The following EEPD1 variants were observed in gnomAD, a reference collection of about 807,000 sequenced individuals.
EEPD1 encodes endonuclease/exonuclease/phosphatase family domain containing 1.
EEPD1 carries 17 observed loss-of-function variants against 46.3 expected under a neutral mutation model. The observed-to-expected ratio is 0.37, with a 90% CI of 0.25 to 0.55. The LOEUF is 0.55. Ranked by LOEUF, EEPD1 falls within the 20% of genes least tolerant of loss-of-function variation. EEPD1 has a pLI of 0.83. For missense variants in EEPD1, 673 were observed against 745.6 expected, an observed-to-expected ratio of 0.90 and a Z score of 1.13; for synonymous variants, 313 against 315.6, an observed-to-expected ratio of 0.99 and a Z score of 0.09.
intron 3 of EEPD1, among the ~76,000 whole-genome samples, chr7:36,276,570 C>A (rs534006047): frequency 6.6e-6 from 1 of 152,154 alleles, no homozygotes; most frequent in African/African-American, 2.4e-5. Flanking sequence ...AGGCTTTTGA[C>A]GTACAGGGTC....
At chr7:36,293,868 G>A (rs1256172460) in intron 6 of EEPD1, among the ~76,000 whole-genome samples, 2 of 152,024 alleles carry the variant, frequency 1.3e-5, no homozygotes, top group African/African-American at 2.4e-5. Flanking sequence ...GGAGGCTGAG[G>A]CAGGAGAATC....
intron 2 of EEPD1, among the ~76,000 whole-genome samples, chr7:36,209,056 C>A: frequency 6.6e-6 from 1 of 152,220 alleles, no homozygotes; most frequent in Admixed American, 6.5e-5. Flanking sequence ...GCAACCATTT[C>A]TGTGCCTCAG....
At chr7:36,287,364 A>G (rs539120218) in intron 5 of EEPD1, among the ~76,000 whole-genome samples, 2 of 152,064 alleles carry the variant, frequency 1.3e-5, no homozygotes, top group South Asian at 2.1e-4. Flanking sequence ...ATTTACAGAT[A>G]TGCAGATATG....
intron 3 of EEPD1, among the ~76,000 whole-genome samples, chr7:36,252,747 A>G (rs1786770548): frequency 6.8e-6 from 1 of 146,366 alleles, no homozygotes. Context: ...TTTCCCCCTT[A>G]TGGTACGCCC....
rs1245085205 is a variant in EEPD1 at position 36,154,113 on chromosome 7, TTTA to T, written c.-192-17_-192-15del. 1.6e-6 allele frequency: 1 copy of T among 613,914 alleles called. No individual in the cohort carries two copies. Among genetic ancestry groups the T allele is most frequent in the Non-Finnish European group, 2.8e-6 (1 of 355,460 alleles). 38.0% of individuals were successfully genotyped at this position (613,914 alleles called of 1,614,324 possible). On this transcript the variant is annotated splice_polypyrimidine_tract_variant and intron_variant, in intron 1 of 7. Coordinates refer to ENST00000242108, the MANE Select transcript of EEPD1 (RefSeq NM_030636.3). This position sits in a 1 kb window ranked among gnomAD's most constrained non-coding sequence, Gnocchi z 4.2. ...TTTCTTAATTCAATGGGTTTCTATG[TTTA>T]TTGATTTATTTTCTAGGCGGCCAAG...
intron 5 of EEPD1, among the ~76,000 whole-genome samples, chr7:36,286,441 A>C (rs952169688): frequency 1.3e-5 from 2 of 152,340 alleles, no homozygotes; most frequent in East Asian, 1.9e-4. Context: ...GGCTTCCCCT[A>C]TACCCCTTCC....
intron 3 of EEPD1, among the ~76,000 whole-genome samples, chr7:36,241,682 C>G (rs552988687): frequency 1.3e-5 from 2 of 152,106 alleles, no homozygotes; most frequent in Non-Finnish European, 2.9e-5. Context: ...GCCTGGCCAA[C>G]ATGGTGAAAC....
chr7:36,175,674 C>G (rs910993311), intron 2 of EEPD1, among the ~76,000 whole-genome samples: 7 of 152,114 alleles, frequency 4.6e-5, no homozygotes, highest in African/African-American at 1.4e-4. Context: ...ACATGAGAAC[C>G]CCACCTCCCT....
chr7:36,245,235 A>G (rs557425696), intron 3 of EEPD1, among the ~76,000 whole-genome samples: 6 of 152,288 alleles, frequency 3.9e-5, no homozygotes, highest in African/African-American at 9.6e-5. Context: ...GACATGAGCT[A>G]CCGCGCCTGG....
intron 3 of EEPD1, among the ~76,000 whole-genome samples, chr7:36,247,946 A>G (rs2115802969): frequency 6.6e-6 from 1 of 152,268 alleles, no homozygotes; most frequent in African/African-American, 2.4e-5. Context: ...CAGGAGAGGC[A>G]GAGAATGTGG....
intron 2 of EEPD1, among the ~76,000 whole-genome samples, chr7:36,199,934 A>C (rs1466310793): frequency 6.6e-6 from 1 of 152,182 alleles, no homozygotes; most frequent in Non-Finnish European, 1.5e-5. Context: ...GCTCCGTGGG[A>C]CACCTGGCCC....
At position 36,284,770 on chromosome 7, in the gene EEPD1, A is replaced by T. The variant is rs1787318064; in HGVS notation, c.1126A>T (p.Asn376Tyr). 2 of 1,597,500 alleles carry T rather than the reference A, an allele frequency of 1.3e-6. No homozygotes were observed. Among genetic ancestry groups the T allele is most frequent in the Non-Finnish European group, 1.7e-6 (2 of 1,171,276 alleles). Residue 376 changes from asparagine to tyrosine, a missense_variant, in exon 5 of 8, where the codon AAC becomes TAC. By Grantham distance (143) the Asn-to-Tyr change is moderately radical. Coordinates refer to ENST00000242108, the MANE Select transcript of EEPD1 (RefSeq NM_030636.3). ...DAGSQESSPS[N>Y]GHGKLAGPSP... ...GGGTTCACAGGAGAGCTCGCCAAGCAACGGGCACGGGAAGCTGGCGGGCCC... is the reference window on the plus strand; with the variant it reads ...GGGTTCACAGGAGAGCTCGCCAAGCTACGGGCACGGGAAGCTGGCGGGCCC...
intron 3 of EEPD1, among the ~76,000 whole-genome samples, chr7:36,247,669 T>A (rs1786661711): frequency 6.6e-6 from 1 of 152,162 alleles, no homozygotes; most frequent in African/African-American, 2.4e-5. Flanking sequence ...GCAGGTGTGT[T>A]GGTAATCCAG....
In EEPD1 at chr7:36,193,932, T is replaced by C. The variant is rs1785528633; in HGVS notation, c.878+38730T>C. Among the ~76,000 whole-genome samples the C allele has an allele frequency of 6.6e-6, 1 of 152,192 alleles. No individual in the cohort carries two copies. Among genetic ancestry groups the C allele is most frequent in the African/African-American group, 2.4e-5 (1 of 41,442 alleles). On this transcript the variant is annotated intron_variant, in intron 2 of 7. Coordinates refer to ENST00000242108, the MANE Select transcript of EEPD1 (RefSeq NM_030636.3). The surrounding 1 kb of genome is among the most constrained non-coding windows in gnomAD (Gnocchi z 4.9). Reference sequence around the variant, plus strand: ...TGAGCATCTTGAGAGTTCAGGAGCCTCTTATCCCCATTTGCATCCTCAGAG... The same window carrying C: ...TGAGCATCTTGAGAGTTCAGGAGCCCCTTATCCCCATTTGCATCCTCAGAG...
At position 36,254,989 on chromosome 7, in the gene EEPD1, T is replaced by C. The variant is rs571859672; in HGVS notation, c.930+15953T>C. ...GCCCACTTTTTGATGGGGTTGTTTG[T>C]TTATTTCTTTTAAATTTGCTTAAGT... is the stretch of plus-strand genomic sequence containing the variant. On this transcript the variant is annotated intron_variant, in intron 3 of 7. Transcript: ENST00000242108. Among the ~76,000 whole-genome samples the C allele has an allele frequency of 7.1e-4, 108 of 152,322 alleles. No individual in the cohort carries two copies. In the South Asian group the frequency reaches 0.011, roughly 15 times the overall value.
chr7:36,196,676 A>G (rs34773110), intron 2 of EEPD1, among the ~76,000 whole-genome samples: 146,622 of 152,324 alleles, frequency 0.96, 70,837 homozygotes, highest in East Asian at 1. Flanking sequence ...GGCCTCCCGA[A>G]GTGCCGGGAT....
At chr7:36,270,799 T>C (rs970205550) in intron 3 of EEPD1, among the ~76,000 whole-genome samples, 2 of 152,182 alleles carry the variant, frequency 1.3e-5, no homozygotes, top group Non-Finnish European at 2.9e-5. Context: ...GAATGATTTA[T>C]AATCCTTTGG....
intron 2 of EEPD1, among the ~76,000 whole-genome samples, chr7:36,201,309 A>G (rs1308220262): frequency 1.3e-5 from 2 of 152,216 alleles, no homozygotes; most frequent in Non-Finnish European, 2.9e-5. Flanking sequence ...AGAGTAGTTC[A>G]TAGTATTGCA....
chr7:36,219,981 T>C (rs534650316), intron 2 of EEPD1, among the ~76,000 whole-genome samples: 42 of 152,198 alleles, frequency 2.8e-4, no homozygotes, highest in Middle Eastern at 3.4e-3. Flanking sequence ...CCACATGGCC[T>C]GAGCAGGTTG....
Sources: allele counts gnomAD v4.1 joint callset (sites outside exome capture counted in the v4.1 genomes callset), GRCh38; gene constraint gnomAD v4.1.1; non-coding constraint Gnocchi (gnomAD v3.1); transcripts MANE v1.5; gene names NCBI Gene and HGNC (gene_info 2026-07-23, HGNC 2026-07-21).